NAP1L1: variants seen among roughly 807,000 people sequenced by gnomAD.
NAP1L1 encodes nucleosome assembly protein 1 like 1, also known as nucleosome assembly protein 1-like 1.
A neutral mutation model predicts 58.9 loss-of-function variants in NAP1L1; 9 were observed. That is an observed-to-expected ratio of 0.15 (90% CI 0.09 to 0.27). The LOEUF is 0.27. Among genes scored for constraint, NAP1L1 ranks in the 10% least tolerant of loss-of-function variants. The probability of loss-of-function intolerance (pLI) is 1.00; values close to 1 mark genes in which losing one functional copy is unlikely to be tolerated. For missense variants in NAP1L1, 302 were observed against 458.8 expected (o/e 0.66, Z 3.12); for synonymous variants, 130 against 138.3 (o/e 0.94, Z 0.42).
In NAP1L1 at chr12:76,043,477, G is replaced by GA. The variant is rs35898958; in HGVS notation, c.*4951dup. 66,737 of 121,126 alleles carry GA rather than the reference G, an allele frequency of 0.55. 18,026 individuals are homozygous for GA. The highest frequency in any genetic ancestry group is 0.59 in the African/African-American group (18,477 of 31,530). 7.5% of individuals were successfully genotyped at this position (121,126 alleles called of 1,614,324 possible). On this transcript the variant is annotated 3_prime_UTR_variant, in exon 15 of 15. Coordinates refer to ENST00000618691, the MANE Select transcript of NAP1L1 (RefSeq NM_004537.7). ...GCAAATGAAGTAAGACCCTGTCTCA[G>GA]AAAAAAAAAAAAAAAAAAAAATTTC...
chr12:76,046,064 T>C lies in NAP1L1; in HGVS notation c.*2365A>G, dbSNP rs564367100. The C allele has an allele frequency of 1.1e-4, 16 of 152,000 alleles. No individual in the cohort carries two copies. In the East Asian group the frequency reaches 1.5e-3, roughly 15 times the overall value. The allele number at this position is 152,000 out of a possible 1,614,324, so 9.4% of individuals were successfully genotyped here. ...CTTAAAATTATATATTTACAGAACA[T>C]AGTGGCCTCAGCACAAAATAGCTCC... On this transcript the variant is annotated 3_prime_UTR_variant, in exon 15 of 15. Transcript: ENST00000618691.
chr12:76,039,932 A>G lies in NAP1L1; in HGVS notation c.*8497T>C, dbSNP rs896876357. 1 of 152,216 alleles carries G rather than the reference A, an allele frequency of 6.6e-6. No individual in the cohort carries two copies. The highest frequency in any genetic ancestry group is 1.5e-5 in the Non-Finnish European group (1 of 68,042). The allele number at this position is 152,216 out of a possible 1,614,324, so 9.4% of individuals were successfully genotyped here. ...AATGAAGTTTTTCTCGAAACCTCTC[A>G]GTCTAGTTACATTATACCCAACTTT... On this transcript the variant is annotated 3_prime_UTR_variant, in exon 15 of 15. Transcript: ENST00000618691.
At position 76,060,404 on chromosome 12, in the gene NAP1L1, A is replaced by T; in HGVS notation, c.207-125T>A. 4 of 888,516 alleles carry T rather than the reference A, an allele frequency of 4.5e-6. 1 individual carries two copies. In the South Asian group the frequency reaches 7.9e-5, roughly 18 times the overall value. The allele number at this position is 888,516 out of a possible 1,614,324, so 55.0% of individuals were successfully genotyped here. A position where few individuals can be genotyped will look rare whatever the true frequency, so the allele number is the denominator to read the frequency against. On this transcript the variant is annotated intron_variant, in intron 4 of 14. Transcript: ENST00000618691. ...GTTTTTTATCTGAAGCAAAAGGTAG[A>T]TTCAAAGTAAATAAAAATCAAATAG... is the stretch of plus-strand genomic sequence containing the variant.
intron 2 of NAP1L1, among the ~76,000 whole-genome samples, chr12:76,071,490 A>C (rs1949952351): frequency 6.6e-6 from 1 of 152,186 alleles, no homozygotes. Flanking sequence ...TTTTGTTAGC[A>C]GGCTAACACT....
intron 4 of NAP1L1, among the ~76,000 whole-genome samples, chr12:76,062,750 G>A (rs949159026): frequency 7.2e-5 from 11 of 152,212 alleles, no homozygotes; most frequent in Non-Finnish European, 1.3e-4. Flanking sequence ...GACGACAAAA[G>A]TAGCAATAGC....
chr12:76,069,005 A>G lies in NAP1L1; in HGVS notation c.18-11T>C. 1.3e-6 allele frequency: 2 copies of G among 1,586,340 alleles called. No individual in the cohort carries two copies. Among genetic ancestry groups the G allele is most frequent in the Non-Finnish European group, 1.7e-6 (2 of 1,159,658 alleles). On this transcript the variant is annotated splice_polypyrimidine_tract_variant and intron_variant, in intron 2 of 14. Transcript: ENST00000618691. ...TCAGACTGTTCTTTGCTATAATATC[A>G]TAGTATCACACCAAGGTTCAAATGT...
chr12:76,077,789 G>C (rs1950239174), intron 1 of NAP1L1, among the ~76,000 whole-genome samples: 1 of 151,840 alleles, frequency 6.6e-6, no homozygotes, highest in African/African-American at 2.4e-5. Flanking sequence ...TTAGAGACCA[G>C]CCTGGGCAAA....
At position 76,048,557 on chromosome 12, in the gene NAP1L1, T is replaced by A; in HGVS notation, c.1141-93A>T. The A allele has an allele frequency of 4.0e-6, 5 of 1,257,114 alleles. 1 individual carries two copies. The highest frequency in any genetic ancestry group is 5.8e-6 in the Non-Finnish European group (5 of 858,460). The allele number at this position is 1,257,114 out of a possible 1,614,324, so 77.9% of individuals were successfully genotyped here. A position where few individuals can be genotyped will look rare whatever the true frequency, so the allele number is the denominator to read the frequency against. ...TTACTGCCTTAATTATAACAGTAGC[T>A]CACTGTTGTCAAAAGAAATGGTATA... On this transcript the variant is annotated intron_variant, in intron 14 of 14. Transcript: ENST00000618691.
At chr12:76,056,248 T>A (rs2136989363) in intron 6 of NAP1L1, 87 bp from the exon 7 acceptor site, 1 of 1,309,178 alleles carries the variant, frequency 7.6e-7, no homozygotes, top group Non-Finnish European at 1.0e-6. Flanking sequence ...AAAAGCACAG[T>A]CACCAGATAT....
chr12:76,078,156 T>C (rs913019132), intron 1 of NAP1L1, among the ~76,000 whole-genome samples: 3 of 152,168 alleles, frequency 2.0e-5, no homozygotes, highest in African/African-American at 7.2e-5. Context: ...TGAGGTCAAC[T>C]GCCAATTATC....
chr12:76,074,236 A>G lies in NAP1L1; in HGVS notation c.-17T>C, dbSNP rs755658000. 5.1e-5 allele frequency: 81 copies of G among 1,587,212 alleles called. No individual in the cohort carries two copies. Among genetic ancestry groups the G allele is most frequent in the Non-Finnish European group, 6.4e-5 (75 of 1,170,502 alleles). On this transcript the variant is annotated 5_prime_UTR_variant, in exon 2 of 15. Transcript: ENST00000618691. ...GTCTGCCATGTTGTAAGAACTCCAA[A>G]TATCTATGGAGAGAAACATCAATGT...
At chr12:76,049,586 T>C in intron 13 of NAP1L1, 170 bp downstream of exon 13, 3 of 1,523,132 alleles carry the variant, frequency 2.0e-6, no homozygotes, top group Admixed American at 2.0e-5. Context: ...AATTTATTTA[T>C]TGAAACCTTA....
chr12:76,051,544 CT>C (rs965666909), intron 11 of NAP1L1, among the ~76,000 whole-genome samples: 4 of 152,240 alleles, frequency 2.6e-5, no homozygotes, highest in African/African-American at 9.6e-5. Context: ...TCAGGTGCCC[CT>C]AGCACTTTTC....
At chr12:76,053,964 CT>C (rs1338890511) in intron 8 of NAP1L1, 55 bp from the exon 9 acceptor site, 9 of 1,513,854 alleles carry the variant, frequency 5.9e-6, no homozygotes, top group Non-Finnish European at 8.0e-6. Context: ...TATTTCAGTA[CT>C]TTAGTAAACA....
In NAP1L1 at chr12:76,060,284, A is replaced by C; in HGVS notation, c.207-5T>G. 1.2e-6 allele frequency: 2 copies of C among 1,613,272 alleles called. No homozygotes were observed. The highest frequency in any genetic ancestry group is 1.7e-6 in the Non-Finnish European group (2 of 1,179,652). On this transcript the variant is annotated splice_region_variant and splice_polypyrimidine_tract_variant and intron_variant, in intron 4 of 14. Transcript: ENST00000618691. ...CTTTTAACTACCCTAGGCAGGCTGA[A>C]AGGTTAGAAATCAGTTATATAGCAT...
At chr12:76,068,235 T>C (rs1427289039) in intron 3 of NAP1L1, among the ~76,000 whole-genome samples, 1 of 152,216 alleles carries the variant, frequency 6.6e-6, no homozygotes, top group Non-Finnish European at 1.5e-5. Context: ...TACAGATTTT[T>C]AAATATCAAT....
At position 76,065,106 on chromosome 12, in the gene NAP1L1, T is replaced by C. The variant is rs148177549; in HGVS notation, c.206+2265A>G. Among the ~76,000 whole-genome samples, 75 of 152,190 alleles carry C rather than the reference T, an allele frequency of 4.9e-4. 1 individual carries two copies. In the East Asian group the frequency reaches 0.012, roughly 24 times the overall value. On this transcript the variant is annotated intron_variant, in intron 4 of 14. Transcript: ENST00000618691. ...ATTCAATTACTCAACAATGTAACAA[T>C]AACACATCATGATTCAATTTACTAC... is the stretch of plus-strand genomic sequence containing the variant.
intron 2 of NAP1L1, chr12:76,073,857 T>C (rs545954094): frequency 5.1e-6 from 1 of 197,086 alleles, no homozygotes; most frequent in South Asian, 1.3e-4. Context: ...ATACACATTT[T>C]GGGTGTTTGG....
intron 2 of NAP1L1, among the ~76,000 whole-genome samples, chr12:76,069,510 C>T (rs773735273): frequency 9.9e-5 from 15 of 152,190 alleles, no homozygotes; most frequent in Non-Finnish European, 1.9e-4. Context: ...CCCCCTCCCA[C>T]TTAGAATATG....
Sources: gnomAD v4.1 joint callset for allele counts (sites outside exome capture counted in the v4.1 genomes callset) on GRCh38, gnomAD v4.1.1 for gene constraint, MANE v1.5 for transcripts, NCBI Gene and HGNC (gene_info 2026-07-23, HGNC 2026-07-21) for gene names.